CKAP2L: variants seen among roughly 807,000 people sequenced by gnomAD.
CKAP2L encodes cytoskeleton-associated protein 2-like.
Under a neutral mutation model 65.7 loss-of-function variants are expected in CKAP2L, and 42 were observed. That is an observed-to-expected ratio of 0.64 (90% CI 0.50 to 0.83). The LOEUF is 0.83. Among genes scored for constraint, CKAP2L ranks in the 40% least tolerant of loss-of-function variants. The pLI is 0.00. For synonymous variants in CKAP2L, 325 were observed against 313.5 expected, an observed-to-expected ratio of 1.04 and a Z score of -0.39; for missense variants, 908 against 871.0, an observed-to-expected ratio of 1.04 and a Z score of -0.53.
intron 5 of CKAP2L, among the ~76,000 whole-genome samples, chr2:112,751,111 G>C (rs1283649180): frequency 1.3e-5 from 2 of 151,944 alleles, no homozygotes; most frequent in Non-Finnish European, 2.9e-5. Context: ...AAAGAAACAC[G>C]GTCCAGATGA....
Position 112,738,845 on chromosome 2 carries a change from C to G in CKAP2L, c.2216G>C (p.Gly739Ala). The G allele has an allele frequency of 6.2e-7, 1 of 1,611,424 alleles. No homozygotes were observed. The highest frequency in any genetic ancestry group is 1.1e-5 in the South Asian group (1 of 91,006). The change falls in exon 9 of 9, where the codon GGG (glycine) becomes GCG (alanine). Residue 739 changes from glycine to alanine, a missense_variant. Coordinates refer to ENST00000302450, the MANE Select transcript of CKAP2L (RefSeq NM_152515.5). ...RRNEALPVTL[G>A]FQTPES ...AAATTATGATTCAGGGGTTTGAAACCCCAATGTTACAGGCAGCGCCTCATT... is the reference window on the plus strand; with the variant it reads ...AAATTATGATTCAGGGGTTTGAAACGCCAATGTTACAGGCAGCGCCTCATT...
rs760483138 is a variant in CKAP2L, at chr2:112,746,499, C to G, written c.1679G>C (p.Cys560Ser). 6.2e-7 allele frequency: 1 copy of G among 1,613,292 alleles called. No homozygotes were observed. The highest frequency in any genetic ancestry group is 1.1e-5 in the South Asian group (1 of 91,040). Residue 560 changes from cysteine (C) to serine (S), a missense_variant, in exon 6 of 9, where the codon TGC (cysteine) becomes TCC (serine). Physicochemically the swap from Cys to Ser is moderately radical, Grantham distance 112. Transcript: ENST00000302450. ...EAEKFAKFWI[C>S]KAKLLASKGT... is the part of the protein sequence containing the mutation. ...TTTACTTGCCAACAACTTTGCTTTG[C>G]AGATCCAGAATTTAGCAAATTTTTC...
chr2:112,741,040 T>A, intron 7 of CKAP2L, 33 bp from the exon 8 acceptor site: 5 of 1,423,876 alleles, frequency 3.5e-6, no homozygotes, highest in African/African-American at 1.4e-5. Context: ...GAAAGTAAGA[T>A]TTACCAATTT....
At chr2:112,742,502 C>T in intron 7 of CKAP2L, 1 of 718,666 alleles carries the variant, frequency 1.4e-6, no homozygotes, top group South Asian at 1.5e-5. Flanking sequence ...TGGAAACAAC[C>T]TTTGTTCAGT....
chr2:112,763,129 G>A (rs970920370), intron 1 of CKAP2L, among the ~76,000 whole-genome samples: 9 of 152,160 alleles, frequency 5.9e-5, no homozygotes, highest in Non-Finnish European at 1.3e-4. Flanking sequence ...AATCCAATGA[G>A]TTTTTGCAAT....
At chr2:112,754,639 A>C (rs576279769) in intron 4 of CKAP2L, among the ~76,000 whole-genome samples, 3 of 152,338 alleles carry the variant, frequency 2.0e-5, no homozygotes, top group Admixed American at 2.0e-4. Context: ...AGCGCCTGGC[A>C]CACTGCAGGT....
chr2:112,751,523 A>C (rs997315242), intron 5 of CKAP2L, among the ~76,000 whole-genome samples: 5 of 152,204 alleles, frequency 3.3e-5, no homozygotes, highest in Non-Finnish European at 5.9e-5. Flanking sequence ...TAAATAATAC[A>C]ACAACAAAAA....
intron 1 of CKAP2L, chr2:112,764,203 T>A (rs1680824942): frequency 3.0e-6 from 1 of 331,444 alleles, no homozygotes. Context: ...CGGCTCTGCC[T>A]GGAGCCAAAT....
chr2:112,742,815 CA>C, intron 6 of CKAP2L, 46 bp from the exon 7 acceptor site: 3 of 1,417,558 alleles, frequency 2.1e-6, no homozygotes, highest in Non-Finnish European at 2.9e-6. Context: ...AACATTCATG[CA>C]AAAAATTTGC....
chr2:112,758,733 T>C (rs1427663892), intron 3 of CKAP2L, among the ~76,000 whole-genome samples: 2 of 152,186 alleles, frequency 1.3e-5, no homozygotes, highest in African/African-American at 2.4e-5. Context: ...TAAAAACAAA[T>C]TGATATAATC....
At position 112,756,296 on chromosome 2, in the gene CKAP2L, G is replaced by C; in HGVS notation, c.1075C>G (p.Gln359Glu). 6.2e-7 allele frequency: 1 copy of C among 1,613,922 alleles called. No individual in the cohort carries two copies. The highest frequency in any genetic ancestry group is 1.1e-5 in the South Asian group (1 of 91,056). Reference protein sequence around the residue: ...PNIKQDQKSSQVCIPQTSCVL... With the variant: ...PNIKQDQKSSEVCIPQTSCVL... ...CATGATGTCTGAGGTATACAAACTTGGCTGGACTTCTGATCTTGCTTGATG... is the reference window on the plus strand; with the variant it reads ...CATGATGTCTGAGGTATACAAACTTCGCTGGACTTCTGATCTTGCTTGATG... The change falls in exon 4 of 9, where the codon CAA (glutamine) becomes GAA (glutamate). Residue 359 changes from glutamine to glutamate, a missense_variant. Transcript: ENST00000302450.
In CKAP2L at chr2:112,752,322, T is replaced by A. The variant is rs1558759611; in HGVS notation, c.1547A>T (p.Glu516Val). The A allele has an allele frequency of 3.7e-6, 6 of 1,614,064 alleles. No individual in the cohort carries two copies. Among genetic ancestry groups the A allele is most frequent in the Non-Finnish European group, 5.1e-6 (6 of 1,179,950 alleles). Residue 516 changes from glutamate to valine, a missense_variant, in exon 5 of 9, where the codon GAA becomes GTA. Glu to Val is a moderately radical substitution (Grantham distance 121). Transcript: ENST00000302450. ...KEEEEKKAQLELSSKINNTLT... is the reference protein window; with the variant it reads ...KEEEEKKAQLVLSSKINNTLT... ...AGTGTTGTTAATTTTACTGGACAGT[T>A]CGAGTTGTGCTTTCTTTTCTTCCTC...
rs76587127 is a variant in CKAP2L at position 112,738,745 on chromosome 2, T to C, written c.*78A>G. The stretch of plus-strand genomic sequence containing the variant: ...CTGCATCCATGATGCCTCTCTTTTT[T>C]TCCAGGTCACTTGGACAAGAATATT... On this transcript the variant is annotated 3_prime_UTR_variant, in exon 9 of 9. Coordinates refer to ENST00000302450, the MANE Select transcript of CKAP2L (RefSeq NM_152515.5). The C allele has an allele frequency of 8.6e-4, 828 of 965,864 alleles. 6 individuals carry two copies. The African/African-American group carries it at 0.011, about 12-fold the overall frequency. 59.8% of individuals were successfully genotyped at this position (965,864 alleles called of 1,614,324 possible).
At chr2:112,763,398 A>G (rs1334831910) in intron 1 of CKAP2L, among the ~76,000 whole-genome samples, 1 of 152,060 alleles carries the variant, frequency 6.6e-6, no homozygotes, top group Non-Finnish European at 1.5e-5. Context: ...GGTACTAAGG[A>G]TAAAATACGC....
chr2:112,744,819 T>TAAAG (rs1680150952), intron 6 of CKAP2L, among the ~76,000 whole-genome samples: 3 of 152,300 alleles, frequency 2.0e-5, no homozygotes, highest in African/African-American at 7.2e-5. Context: ...CATCCATGTG[T>TAAAG]CTCGGGCTTT....
rs1262787785 is a variant in CKAP2L, at chr2:112,738,031, T to C, written c.*792A>G. ...TGCCCAGGAGGAAGAAAAAGCAACC[T>C]ACAACAGTCTCTGGGGCTTGCACTG... On this transcript the variant is annotated 3_prime_UTR_variant, in exon 9 of 9. Transcript: ENST00000302450. 1 of 152,166 alleles carries C rather than the reference T, an allele frequency of 6.6e-6. No individual in the cohort carries two copies. Among genetic ancestry groups the C allele is most frequent in the Non-Finnish European group, 1.5e-5 (1 of 68,022 alleles). 9.4% of individuals were successfully genotyped at this position (152,166 alleles called of 1,614,324 possible).
At chr2:112,759,467 T>G (rs1680650203) in intron 3 of CKAP2L, among the ~76,000 whole-genome samples, 1 of 152,226 alleles carries the variant, frequency 6.6e-6, no homozygotes. Flanking sequence ...AGTTCACTTT[T>G]TACTTTTACA....
At position 112,752,348 on chromosome 2, in the gene CKAP2L, T is replaced by A; in HGVS notation, c.1521A>T (p.Glu507Asp). 6.2e-7 allele frequency: 1 copy of A among 1,613,832 alleles called. No individual in the cohort carries two copies. The highest frequency in any genetic ancestry group is 8.5e-7 in the Non-Finnish European group (1 of 1,179,748). ...NISFWKSIEK[E>D]EEEKKAQLEL... ...CGAGTTGTGCTTTCTTTTCTTCCTC[T>A]TCTTTTTCAATGCTCTTCCAGAATG... The change falls in exon 5 of 9, where the codon GAA becomes GAT. Residue 507 changes from glutamate to aspartate, a missense_variant. By Grantham distance (45) the Glu-to-Asp change is conservative (BLOSUM62 2). Transcript: ENST00000302450.
In CKAP2L at chr2:112,756,630, T is replaced by G; in HGVS notation, c.741A>C (p.Gly247=). 1.2e-6 allele frequency: 2 copies of G among 1,611,140 alleles called. No homozygotes were observed. The highest frequency in any genetic ancestry group is 2.2e-5 in the South Asian group (2 of 90,448). Residue 247 remains glycine, a synonymous_variant, in exon 4 of 9, where the codon GGA becomes GGC. Transcript: ENST00000302450. The part of the protein sequence containing the change: ...LKDRVNKQFV[G]ETQSRTFPVK... ...CTGGGAAAGTCCTGCTTTGTGTTTCTCCAACAAATTGTTTATTAACCCTAT... is the reference window on the plus strand; with the variant it reads ...CTGGGAAAGTCCTGCTTTGTGTTTCGCCAACAAATTGTTTATTAACCCTAT...
Sources: allele counts gnomAD v4.1 joint callset (sites outside exome capture counted in the v4.1 genomes callset), GRCh38; gene constraint gnomAD v4.1.1; transcripts MANE v1.5; gene names NCBI Gene and HGNC (gene_info 2026-07-23, HGNC 2026-07-21).